Variants in UTRN observed in about 807,000 individuals in gnomAD.
UTRN encodes dystrophin-related protein 1.
Under a neutral mutation model 463.9 loss-of-function variants are expected in UTRN, and 283 were observed. That is an observed-to-expected ratio of 0.61 (90% CI 0.55 to 0.67). The LOEUF (loss-of-function observed/expected upper bound fraction) is 0.67. Among genes scored for constraint, UTRN ranks in the 30% least tolerant of loss-of-function variants. The pLI, the probability that UTRN is intolerant of heterozygous loss-of-function variation, is 0.00. For missense variants in UTRN, 3,922 were observed against 4,084.3 expected, an observed-to-expected ratio of 0.96 and a Z score of 1.08; for synonymous variants, 1,442 against 1,431.5, an observed-to-expected ratio of 1.01 and a Z score of -0.17.
chr6:144,329,145 C>G (rs1027169842), intron 2 of UTRN, among the ~76,000 whole-genome samples: 1 of 141,160 alleles, frequency 7.1e-6, no homozygotes, highest in Non-Finnish European at 1.5e-5. Flanking sequence ...TGTAGGGGGG[C>G]GATCTCGGCT....
At chr6:144,596,294 G>A (rs896139322) in intron 51 of UTRN, among the ~76,000 whole-genome samples, 1 of 152,136 alleles carries the variant, frequency 6.6e-6, no homozygotes, top group African/African-American at 2.4e-5. Context: ...TGTCGTCCAG[G>A]TGTCTTATGG....
intron 51 of UTRN, among the ~76,000 whole-genome samples, chr6:144,580,461 G>T (rs1057238006): frequency 1.3e-5 from 2 of 152,146 alleles, no homozygotes; most frequent in Non-Finnish European, 2.9e-5. Context: ...GGTGAATTTT[G>T]ATAAGGATAG....
intron 11 of UTRN, 98 bp from the exon 12 acceptor site, chr6:144,438,647 T>G: frequency 7.1e-7 from 1 of 1,409,664 alleles, no homozygotes; most frequent in Non-Finnish European, 9.8e-7. Context: ...TAGACAAGGG[T>G]GTCTTCCCTT....
At chr6:144,408,811 G>A (rs1283204142) in intron 3 of UTRN, among the ~76,000 whole-genome samples, 2 of 152,214 alleles carry the variant, frequency 1.3e-5, no homozygotes, top group Admixed American at 1.3e-4. Context: ...TGTGGAGGGA[G>A]ATTTGTACAG....
intron 2 of UTRN, among the ~76,000 whole-genome samples, chr6:144,351,057 C>T (rs532991394): frequency 6.6e-6 from 1 of 151,878 alleles, no homozygotes; most frequent in South Asian, 2.1e-4. Flanking sequence ...TGAAAAAAAC[C>T]ATTTTTTATA....
At chr6:144,369,928 C>T (rs1177301083) in intron 2 of UTRN, among the ~76,000 whole-genome samples, 2 of 152,206 alleles carry the variant, frequency 1.3e-5, no homozygotes, top group African/African-American at 4.8e-5. Flanking sequence ...GATTGCAAGG[C>T]CTCCCCAGCC....
intron 51 of UTRN, among the ~76,000 whole-genome samples, chr6:144,677,418 A>T (rs909637449): frequency 5.9e-5 from 9 of 152,122 alleles, no homozygotes; most frequent in African/African-American, 1.7e-4. Context: ...TTCCAGCTTC[A>T]TCCATGTCCC....
At chr6:144,775,268 G>A (rs576299378) in intron 60 of UTRN, among the ~76,000 whole-genome samples, 7 of 152,258 alleles carry the variant, frequency 4.6e-5, no homozygotes, top group African/African-American at 7.2e-5. Flanking sequence ...CTGGCTGCAC[G>A]AAGAATTGAG....
chr6:144,452,444 T>C (rs1365274523), intron 18 of UTRN, among the ~76,000 whole-genome samples: 1 of 152,148 alleles, frequency 6.6e-6, no homozygotes, highest in Non-Finnish European at 1.5e-5. Context: ...TATATAAATA[T>C]GAATAATATA....
At chr6:144,430,619 T>C (rs1005740729) in intron 9 of UTRN, among the ~76,000 whole-genome samples, 1 of 152,166 alleles carries the variant, frequency 6.6e-6, no homozygotes, top group African/African-American at 2.4e-5. Flanking sequence ...CAAAATGTGG[T>C]TAAAACCACC....
chr6:144,502,075 T>C (rs1306413119), intron 34 of UTRN, among the ~76,000 whole-genome samples: 1 of 152,034 alleles, frequency 6.6e-6, no homozygotes, highest in Non-Finnish European at 1.5e-5. Flanking sequence ...TTTTTATTAC[T>C]GTAGCTTCCT....
intron 25 of UTRN, 41 bp downstream of exon 25, chr6:144,474,800 G>A (rs760209376): frequency 3.8e-6 from 6 of 1,589,844 alleles, no homozygotes; most frequent in South Asian, 1.2e-5. Context: ...TTCAGGAGAT[G>A]TAGACTGTAG....
At chr6:144,702,213 A>G (rs1265521875) in intron 53 of UTRN, among the ~76,000 whole-genome samples, 2 of 152,192 alleles carry the variant, frequency 1.3e-5, no homozygotes, top group South Asian at 2.1e-4. Flanking sequence ...GCCTTAGCAC[A>G]TAAAGTATGT....
chr6:144,684,690 A>G (rs1176998814), intron 52 of UTRN, among the ~76,000 whole-genome samples: 1 of 152,188 alleles, frequency 6.6e-6, no homozygotes, highest in Non-Finnish European at 1.5e-5. Flanking sequence ...ATCAAATCAA[A>G]TAAGAATTGT....
rs1789246003 is a variant in UTRN at position 144,735,256 on chromosome 6, G to A, written c.7939+4770G>A. On this transcript the variant is annotated intron_variant, in intron 54 of 74. Coordinates refer to ENST00000367545, the MANE Select transcript of UTRN (RefSeq NM_007124.3). ...GAAGGACTCTGAGGGTCAGAGTGGA[G>A]AGAGGTTGATTCCTGAGCTAGTCTT... Among the ~76,000 whole-genome samples the A allele has an allele frequency of 4.6e-5, 7 of 152,320 alleles. No homozygotes were observed. In the South Asian group the frequency reaches 1.5e-3, roughly 32 times the overall value.
chr6:144,593,825 T>C (rs77330616), intron 51 of UTRN, among the ~76,000 whole-genome samples: 10,619 of 152,268 alleles, frequency 0.07, 998 homozygotes, highest in East Asian at 0.53. Flanking sequence ...CCAGATCTTT[T>C]TGACTGTTTC....
intron 53 of UTRN, among the ~76,000 whole-genome samples, chr6:144,724,205 G>T (rs1466429185): frequency 4.2e-5 from 6 of 143,924 alleles, no homozygotes; most frequent in Non-Finnish European, 7.5e-5. Context: ...CACCATTATT[G>T]CTATCTAGAT....
intron 51 of UTRN, among the ~76,000 whole-genome samples, chr6:144,676,673 C>T (rs1212756020): frequency 6.6e-6 from 1 of 152,100 alleles, no homozygotes; most frequent in Non-Finnish European, 1.5e-5. Flanking sequence ...TATCCCTTCC[C>T]TAGCCCCTCA....
At chr6:144,311,451 G>A (rs1806261733) in intron 2 of UTRN, among the ~76,000 whole-genome samples, 1 of 152,106 alleles carries the variant, frequency 6.6e-6, no homozygotes, top group Non-Finnish European at 1.5e-5. Flanking sequence ...AGAAAACCTG[G>A]ATGCCCTATT....
Sources: allele counts gnomAD v4.1 joint callset (sites outside exome capture counted in the v4.1 genomes callset), GRCh38; gene constraint gnomAD v4.1.1; transcripts MANE v1.5; gene names NCBI Gene and HGNC (gene_info 2026-07-23, HGNC 2026-07-21).